The following EDN3 variants were observed in gnomAD, a reference collection of about 807,000 sequenced individuals.
EDN3 encodes the protein endothelin 3, also known as endothelin-3.
A neutral mutation model predicts 21.4 loss-of-function variants in EDN3; 9 were observed. That is an observed-to-expected ratio of 0.42 (90% CI 0.25 to 0.73). The LOEUF (loss-of-function observed/expected upper bound fraction) is 0.73. Ranked by LOEUF, EDN3 falls within the 30% of genes least tolerant of loss-of-function variation. EDN3 has a pLI of 0.26. For missense variants in EDN3, 327 were observed against 309.4 expected (o/e 1.06, Z -0.43); for synonymous variants, 133 against 126.2 (o/e 1.05, Z -0.36).
At chr20:59,301,824 C>G in intron 2 of EDN3, 102 bp downstream of exon 2, 1 of 1,329,330 alleles carries the variant, frequency 7.5e-7, no homozygotes, top group Non-Finnish European at 1.1e-6. Context: ...CTCAGTTAGC[C>G]CAGAGCCTGC....
At position 59,324,604 on chromosome 20, in the gene EDN3, C is replaced by A. The variant is rs886056881; in HGVS notation, c.*145C>A. ...AGAGTCCCCACTTAACAATACCCCC[C>A]CCCCACGGCAAGAATGCCCAAATCC... is the stretch of plus-strand genomic sequence containing the variant. On this transcript the variant is annotated 3_prime_UTR_variant, in exon 5 of 5. Coordinates refer to ENST00000337938, the MANE Select transcript of EDN3 (RefSeq NM_207034.3). 1.1e-4 allele frequency: 121 copies of A among 1,105,066 alleles called. No homozygotes were observed. The highest frequency in any genetic ancestry group is 3.5e-4 in the Admixed American group (17 of 48,046). 68.5% of individuals were successfully genotyped at this position (1,105,066 alleles called of 1,614,324 possible).
intron 2 of EDN3, among the ~76,000 whole-genome samples, chr20:59,312,707 G>A (rs555406283): frequency 3.3e-5 from 5 of 152,264 alleles, no homozygotes; most frequent in African/African-American, 4.8e-5. Context: ...TGGTGTTAGC[G>A]CTGGGGCAAA....
intron 2 of EDN3, among the ~76,000 whole-genome samples, chr20:59,314,509 T>C (rs1990050823): frequency 6.6e-6 from 1 of 151,042 alleles, no homozygotes; most frequent in South Asian, 2.1e-4. Flanking sequence ...GGATTGGGGG[T>C]CTAGGGGTGC....
intron 2 of EDN3, among the ~76,000 whole-genome samples, chr20:59,302,310 G>T (rs775573448): frequency 6.6e-6 from 1 of 152,128 alleles, no homozygotes; most frequent in Non-Finnish European, 1.5e-5. Context: ...TCGTCCTTGG[G>T]CCTTCCACAG....
At chr20:59,301,795 T>G in intron 2 of EDN3, 73 bp downstream of exon 2, 4 of 1,524,328 alleles carry the variant, frequency 2.6e-6, no homozygotes, top group Non-Finnish European at 3.6e-6. Context: ...CAGGAGGACC[T>G]CACTCCACCC....
chr20:59,301,592 C>G lies in EDN3; in HGVS notation c.235C>G (p.Pro79Ala). ...TALQGPSPGS[P>A]GQEQAAEGAP... is the part of the protein sequence containing the mutation. ...ACTGCAGGGTCCAAGCCCTGGAAGC[C>G]CTGGGCAGGAGCAGGCGGCCGAGGG... Residue 79 changes from proline to alanine, a missense_variant, in exon 2 of 5, where the codon CCT (proline) becomes GCT (alanine). Physicochemically the swap from Pro to Ala is conservative, Grantham distance 27. Coordinates refer to ENST00000337938, the MANE Select transcript of EDN3 (RefSeq NM_207034.3). The G allele has an allele frequency of 6.2e-7, 1 of 1,614,002 alleles. No individual in the cohort carries two copies. The highest frequency in any genetic ancestry group is 8.5e-7 in the Non-Finnish European group (1 of 1,179,962).
At chr20:59,314,553 C>T (rs969814061) in intron 2 of EDN3, among the ~76,000 whole-genome samples, 11 of 152,034 alleles carry the variant, frequency 7.2e-5, no homozygotes, top group African/African-American at 2.7e-4. Context: ...GGCTGCTTGG[C>T]AAATTGTAGC....
chr20:59,304,109 C>T (rs1989234913), intron 2 of EDN3, among the ~76,000 whole-genome samples: 3 of 151,552 alleles, frequency 2.0e-5, no homozygotes, highest in Non-Finnish European at 1.5e-5. Flanking sequence ...CTTTCCTTTC[C>T]CTTCTTTTCC....
At position 59,301,762 on chromosome 20, in the gene EDN3, C is replaced by G. The variant is rs200466558; in HGVS notation, c.365+40C>G. 11 of 1,604,716 alleles carry G rather than the reference C, an allele frequency of 6.9e-6. No individual in the cohort carries two copies. The East Asian group carries it at 1.1e-4, about 16-fold the overall frequency. ...TGTGGTGAGGAACGTGGCTCCCGGA[C>G]CAGGCCCACATCTGCTCATTCCCAG... On this transcript the variant is annotated intron_variant, in intron 2 of 4. Coordinates refer to ENST00000337938, the MANE Select transcript of EDN3 (RefSeq NM_207034.3).
chr20:59,320,736 G>A (rs559265679), intron 2 of EDN3, among the ~76,000 whole-genome samples: 2 of 152,216 alleles, frequency 1.3e-5, no homozygotes, highest in Non-Finnish European at 2.9e-5. Context: ...ATGCCCAGAC[G>A]CCTGCTGGGC....
chr20:59,320,927 G>A (rs1176507466), intron 2 of EDN3, 90 bp from the exon 3 acceptor site: 1 of 1,418,074 alleles, frequency 7.1e-7, no homozygotes, highest in Non-Finnish European at 9.9e-7. Context: ...GACCTTTTCA[G>A]CCAGGCGGTG....
At chr20:59,310,396 A>G (rs995251268) in intron 2 of EDN3, among the ~76,000 whole-genome samples, 3 of 152,220 alleles carry the variant, frequency 2.0e-5, no homozygotes, top group Admixed American at 6.5e-5. Context: ...ATTGCAGAGC[A>G]TGGCTGAGTA....
chr20:59,312,612 G>A (rs1188191508), intron 2 of EDN3, among the ~76,000 whole-genome samples: 2 of 152,200 alleles, frequency 1.3e-5, no homozygotes, highest in Non-Finnish European at 2.9e-5. Flanking sequence ...AGTGTAAACA[G>A]TTTGGGCTAA....
rs1990504048 is a variant in EDN3 at position 59,321,064 on chromosome 20, G to A, written c.413G>A (p.Gly138Asp). Residue 138 changes from glycine to aspartate, a missense_variant, in exon 3 of 5, where the codon GGC (glycine) becomes GAC (aspartate). Gly to Asp is a moderately conservative substitution (Grantham distance 94). Transcript: ENST00000337938. ...TCCAACTACAGAGGAAGCTTCCGGGGCAAGAGGTCTGCGGGGCCACTTCCA... is the reference window on the plus strand; with the variant it reads ...TCCAACTACAGAGGAAGCTTCCGGGACAAGAGGTCTGCGGGGCCACTTCCA... The part of the protein sequence containing the change: ...GLSNYRGSFR[G>D]KRSAGPLPGN... 2 of 1,614,214 alleles carry A rather than the reference G, an allele frequency of 1.2e-6. No homozygotes were observed. The highest frequency in any genetic ancestry group is 1.3e-5 in the African/African-American group (1 of 75,054).
At chr20:59,318,050 T>A (rs1316475235) in intron 2 of EDN3, among the ~76,000 whole-genome samples, 1 of 152,136 alleles carries the variant, frequency 6.6e-6, no homozygotes, top group Non-Finnish European at 1.5e-5. Context: ...AGCCATATGC[T>A]CCCTCTTCAA....
Position 59,324,322 on chromosome 20 carries a change from C to T in EDN3, c.589-9C>T, listed in dbSNP as rs1414110043. On this transcript the variant is annotated splice_polypyrimidine_tract_variant and intron_variant, in intron 4 of 4. Coordinates refer to ENST00000337938, the MANE Select transcript of EDN3 (RefSeq NM_207034.3). ...TTTTTTTTTCTTTTGCCCCCTTTCCCCAAGACAGGTTGAAGTCAAGGACCA... is the reference window on the plus strand; with the variant it reads ...TTTTTTTTTCTTTTGCCCCCTTTCCTCAAGACAGGTTGAAGTCAAGGACCA... 1 of 1,613,992 alleles carries T rather than the reference C, an allele frequency of 6.2e-7. No homozygotes were observed. Among genetic ancestry groups the T allele is most frequent in the Non-Finnish European group, 8.5e-7 (1 of 1,180,032 alleles).
Position 59,322,261 on chromosome 20 carries a change from G to A in EDN3, c.543-111G>A, listed in dbSNP as rs1304453851. The A allele has an allele frequency of 8.3e-7, 1 of 1,205,498 alleles. No homozygotes were observed. Among genetic ancestry groups the A allele is most frequent in the Non-Finnish European group, 1.2e-6 (1 of 815,260 alleles). 74.7% of individuals were successfully genotyped at this position (1,205,498 alleles called of 1,614,324 possible). A position where few individuals can be genotyped will look rare whatever the true frequency, so the allele number is the denominator to read the frequency against. ...CTGTGCCTGAGACGCAGTCCTTGGG[G>A]AACGCACTAATGTGCTCATTGGTGG... On this transcript the variant is annotated intron_variant, in intron 3 of 4. Transcript: ENST00000337938. The surrounding 1 kb of genome is among the most constrained non-coding windows in gnomAD (Gnocchi z 4.1).
At position 59,325,551 on chromosome 20, in the gene EDN3, T is replaced by C. The variant is rs1178724685; in HGVS notation, c.*1092T>C. On this transcript the variant is annotated 3_prime_UTR_variant, in exon 5 of 5. Coordinates refer to ENST00000337938, the MANE Select transcript of EDN3 (RefSeq NM_207034.3). Reference sequence around the variant, plus strand: ...ATTTGAGTGGGTGTCCAGGGCCCCGTAGAGAGACATTTAAGATGGTGTATG... The same window carrying C: ...ATTTGAGTGGGTGTCCAGGGCCCCGCAGAGAGACATTTAAGATGGTGTATG... 6.6e-6 allele frequency: 1 copy of C among 152,164 alleles called. No homozygotes were observed. The highest frequency in any genetic ancestry group is 1.5e-5 in the Non-Finnish European group (1 of 68,026). The allele number at this position is 152,164 out of a possible 1,614,324, so 9.4% of individuals were successfully genotyped here.
At chr20:59,304,124 C>T (rs897727453) in intron 2 of EDN3, among the ~76,000 whole-genome samples, 2 of 151,804 alleles carry the variant, frequency 1.3e-5, no homozygotes, top group Admixed American at 1.3e-4. Context: ...TTTTCCCTCC[C>T]TCCTTCCCTT....
Sources: allele counts gnomAD v4.1 joint callset (sites outside exome capture counted in the v4.1 genomes callset), GRCh38; gene constraint gnomAD v4.1.1; non-coding constraint Gnocchi (gnomAD v3.1); transcripts MANE v1.5; gene names NCBI Gene and HGNC (gene_info 2026-07-23, HGNC 2026-07-21).